Variants in KCTD8 observed in about 807,000 individuals in gnomAD.
The protein encoded by KCTD8 is BTB/POZ domain-containing protein KCTD8.
A neutral mutation model predicts 31.5 loss-of-function variants in KCTD8; 27 were observed. The ratio of observed to expected loss-of-function variants is 0.86; its 90% CI spans 0.63 to 1.18. The LOEUF (loss-of-function observed/expected upper bound fraction) is 1.18, where lower values mean the gene tolerates loss of function less well. Among genes scored for constraint, KCTD8 ranks in the 50% most tolerant of loss-of-function variants. The pLI is 0.00. For synonymous variants in KCTD8, 290 were observed against 280.0 expected (o/e 1.04, Z -0.36); for missense variants, 658 against 647.7 (o/e 1.02, Z -0.17).
intron 1 of KCTD8, among the ~76,000 whole-genome samples, chr4:44,236,347 G>A (rs1715290717): frequency 6.6e-6 from 1 of 152,090 alleles, no homozygotes; most frequent in African/African-American, 2.4e-5. Context: ...TTCCAGGATG[G>A]GTCCATGGTT....
intron 1 of KCTD8, among the ~76,000 whole-genome samples, chr4:44,372,421 G>A (rs1719812063): frequency 6.6e-6 from 1 of 152,166 alleles, no homozygotes; most frequent in Non-Finnish European, 1.5e-5. Flanking sequence ...GGCACAGCAT[G>A]GAGAAAAGCT....
chr4:44,203,513 A>G (rs1389383956), intron 1 of KCTD8, among the ~76,000 whole-genome samples: 1 of 151,186 alleles, frequency 6.6e-6, no homozygotes, highest in African/African-American at 2.4e-5. Context: ...AAAAAAAAAA[A>G]AGGAATAAAA....
At position 44,178,103 on chromosome 4, in the gene KCTD8, C is replaced by T. The variant is rs1164056446; in HGVS notation, c.962-2853G>A. Among the ~76,000 whole-genome samples, 3 of 152,194 alleles carry T rather than the reference C, an allele frequency of 2.0e-5. No homozygotes were observed. In the South Asian group the frequency reaches 6.2e-4, roughly 31 times the overall value. On this transcript the variant is annotated intron_variant, in intron 1 of 1. Coordinates refer to ENST00000360029, the MANE Select transcript of KCTD8 (RefSeq NM_198353.3). ...ATTCTGGCTCTCCAGAAAATACTAG[C>T]CTTGTGGCTTTGAACAAGATACTTA...
At chr4:44,340,517 C>A (rs1718869473) in intron 1 of KCTD8, among the ~76,000 whole-genome samples, 1 of 137,014 alleles carries the variant, frequency 7.3e-6, no homozygotes, top group Non-Finnish European at 1.6e-5. Flanking sequence ...ACCGTGTTAG[C>A]CAGGATGGTC....
intron 1 of KCTD8, among the ~76,000 whole-genome samples, chr4:44,300,828 T>G (rs949534456): frequency 6.6e-6 from 1 of 151,672 alleles, no homozygotes; most frequent in Non-Finnish European, 1.5e-5. Context: ...AACTCGTCAT[T>G]TAGCATTAGG....
At chr4:44,191,046 C>A (rs1374234435) in intron 1 of KCTD8, among the ~76,000 whole-genome samples, 3 of 152,142 alleles carry the variant, frequency 2.0e-5, no homozygotes, top group Admixed American at 6.5e-5. Context: ...GAGGGACCGG[C>A]TGGAGCCGTG....
intron 1 of KCTD8, among the ~76,000 whole-genome samples, chr4:44,348,731 T>C (rs1400274778): frequency 3.9e-5 from 6 of 152,178 alleles, no homozygotes. Flanking sequence ...CTTACAGCCA[T>C]GTATATTCAC....
At chr4:44,292,954 C>G (rs1717323649) in intron 1 of KCTD8, among the ~76,000 whole-genome samples, 1 of 152,100 alleles carries the variant, frequency 6.6e-6, no homozygotes, top group African/African-American at 2.4e-5. Context: ...TCTACACCCC[C>G]TATTTTGTTT....
intron 1 of KCTD8, among the ~76,000 whole-genome samples, chr4:44,223,378 G>A (rs1280531140): frequency 6.6e-6 from 1 of 152,134 alleles, no homozygotes; most frequent in Non-Finnish European, 1.5e-5. Flanking sequence ...ACGTGTAGGT[G>A]TAGAAGGGTT....
intron 1 of KCTD8, among the ~76,000 whole-genome samples, chr4:44,177,289 C>T (rs1241619078): frequency 1.3e-5 from 2 of 152,192 alleles, no homozygotes; most frequent in Admixed American, 6.5e-5. Flanking sequence ...CCCACCCCAC[C>T]CCCAGGAATG....
intron 1 of KCTD8, among the ~76,000 whole-genome samples, chr4:44,278,678 T>A (rs1268461466): frequency 6.6e-6 from 1 of 151,996 alleles, no homozygotes; most frequent in African/African-American, 2.4e-5. Flanking sequence ...TATTCAAATT[T>A]TAATGAATGG....
intron 1 of KCTD8, among the ~76,000 whole-genome samples, chr4:44,401,587 G>C (rs77693001): frequency 0.013 from 1,987 of 152,210 alleles, 46 homozygotes; most frequent in African/African-American, 0.044. Flanking sequence ...AGAAAGATTT[G>C]GGTTTAAGTC....
intron 1 of KCTD8, among the ~76,000 whole-genome samples, chr4:44,397,806 T>A (rs1193601178): frequency 6.6e-6 from 1 of 152,180 alleles, no homozygotes; most frequent in African/African-American, 2.4e-5. Flanking sequence ...ATGTTCTTAA[T>A]ATGCGAGAAA....
chr4:44,187,366 C>G (rs1020190157), intron 1 of KCTD8, among the ~76,000 whole-genome samples: 10 of 152,086 alleles, frequency 6.6e-5, no homozygotes, highest in African/African-American at 2.4e-4. Context: ...TTCATTTCCC[C>G]CATGGAAGCT....
At chr4:44,237,400 C>T (rs1257716032) in intron 1 of KCTD8, among the ~76,000 whole-genome samples, 1 of 152,122 alleles carries the variant, frequency 6.6e-6, no homozygotes, top group Non-Finnish European at 1.5e-5. Context: ...TTAGAACAGA[C>T]CATGACCCTA....
chr4:44,306,856 TA>T (rs1560421631), intron 1 of KCTD8, among the ~76,000 whole-genome samples: 2 of 151,850 alleles, frequency 1.3e-5, no homozygotes, highest in Non-Finnish European at 2.9e-5. Flanking sequence ...ACTGACTATT[TA>T]AAAAGGAGAA....
At chr4:44,311,627 A>G (rs1254903480) in intron 1 of KCTD8, among the ~76,000 whole-genome samples, 2 of 152,098 alleles carry the variant, frequency 1.3e-5, no homozygotes, top group Non-Finnish European at 2.9e-5. Flanking sequence ...GATATACAGT[A>G]TTTAACATTC....
At chr4:44,230,267 T>C (rs1203564249) in intron 1 of KCTD8, among the ~76,000 whole-genome samples, 1 of 152,218 alleles carries the variant, frequency 6.6e-6, no homozygotes, top group Non-Finnish European at 1.5e-5. Context: ...GGTAAAGTAT[T>C]CATTCCTATA....
chr4:44,369,010 T>C (rs993036949), intron 1 of KCTD8, among the ~76,000 whole-genome samples: 4 of 152,164 alleles, frequency 2.6e-5, no homozygotes, highest in African/African-American at 9.7e-5. Context: ...TGTAGGCTGG[T>C]TGGCCACCAG....
Sources: gnomAD v4.1 joint callset for allele counts (sites outside exome capture counted in the v4.1 genomes callset) on GRCh38, gnomAD v4.1.1 for gene constraint, MANE v1.5 for transcripts, NCBI Gene and HGNC (gene_info 2026-07-23, HGNC 2026-07-21) for gene names.